NOL4L: variants seen among roughly 807,000 people sequenced by gnomAD.
The protein encoded by NOL4L is nucleolar protein 4-like.
Under a neutral mutation model 64.5 loss-of-function variants are expected in NOL4L, and 7 were observed. That is an observed-to-expected ratio of 0.11 (90% confidence interval 0.06 to 0.20). The LOEUF (loss-of-function observed/expected upper bound fraction) is 0.20, where lower values mean the gene tolerates loss of function less well. Among genes scored for constraint, NOL4L ranks in the 10% least tolerant of loss-of-function variants. The pLI is 1.00. For missense variants in NOL4L, 680 were observed against 967.1 expected, an observed-to-expected ratio of 0.70 and a Z score of 3.94; for synonymous variants, 413 against 401.0, an observed-to-expected ratio of 1.03 and a Z score of -0.36.
chr20:32,497,647 G>A (rs1454379042), intron 4 of NOL4L, among the ~76,000 whole-genome samples: 1 of 152,150 alleles, frequency 6.6e-6, no homozygotes, highest in East Asian at 1.9e-4. Flanking sequence ...AGGCTGTGGC[G>A]GTCACAAGGG....
At chr20:32,501,070 G>C (rs569095287) in intron 4 of NOL4L, among the ~76,000 whole-genome samples, 1 of 152,276 alleles carries the variant, frequency 6.6e-6, no homozygotes, top group Admixed American at 6.5e-5. Context: ...TCCTTCCCAA[G>C]TGCACAGTGT....
chr20:32,486,051 C>A (rs1459807586), intron 4 of NOL4L, among the ~76,000 whole-genome samples: 1 of 152,236 alleles, frequency 6.6e-6, no homozygotes, highest in Non-Finnish European at 1.5e-5. Flanking sequence ...AACAGCCCAG[C>A]CCTGCTCAAC....
At position 32,493,372 on chromosome 20, in the gene NOL4L, C is replaced by T. The variant is rs529066788; in HGVS notation, c.699+17975G>A. On this transcript the variant is annotated intron_variant, in intron 4 of 10. Coordinates refer to ENST00000621426, the MANE Select transcript of NOL4L (RefSeq NM_001256798.2). Reference sequence around the variant, plus strand: ...GATGATGGCCCAAGGCTCTGGGGCCCGGGATGCTGCATGGGGACCTTTCTG... The same window carrying T: ...GATGATGGCCCAAGGCTCTGGGGCCTGGGATGCTGCATGGGGACCTTTCTG... 2.9e-3 allele frequency among the ~76,000 whole-genome samples: 448 copies of T among 152,060 alleles called. 2 individuals carry two copies. Among genetic ancestry groups the T allele is most frequent in the Non-Finnish European group, 3.6e-3 (247 of 67,974 alleles).
Position 32,447,833 on chromosome 20 carries a change from A to G in NOL4L, c.1823-17T>C. ...CCGTGGGCCCTGTGGAGAGGGAAGT[A>G]GGGTGAGAAGGGAGCAGCCACCCTG... On this transcript the variant is annotated splice_polypyrimidine_tract_variant and intron_variant, in intron 10 of 10. Coordinates refer to ENST00000621426, the MANE Select transcript of NOL4L (RefSeq NM_001256798.2). 6.5e-7 allele frequency: 1 copy of G among 1,526,802 alleles called. No homozygotes were observed. Among genetic ancestry groups the G allele is most frequent in the East Asian group, 2.3e-5 (1 of 43,750 alleles). The allele number at this position is 1,526,802 out of a possible 1,614,324, so 94.6% of individuals were successfully genotyped here. A position where few individuals can be genotyped will look rare whatever the true frequency, so the allele number is the denominator to read the frequency against.
At chr20:32,489,809 CAAATAAAT>C (rs549441798) in intron 4 of NOL4L, among the ~76,000 whole-genome samples, 1,647 of 149,294 alleles carry the variant, frequency 0.011, 37 homozygotes, top group African/African-American at 0.039. Context: ...GACTCCCTCT[CAAATAAAT>C]AAATAAATAA....
intron 1 of NOL4L, among the ~76,000 whole-genome samples, chr20:32,560,613 C>G (rs1295538847): frequency 6.6e-6 from 1 of 152,226 alleles, no homozygotes; most frequent in East Asian, 1.9e-4. Flanking sequence ...CCCAACAACC[C>G]TATGAGGTAA....
At chr20:32,490,498 A>T (rs1044067827) in intron 4 of NOL4L, among the ~76,000 whole-genome samples, 1 of 152,132 alleles carries the variant, frequency 6.6e-6, no homozygotes, top group Non-Finnish European at 1.5e-5. Flanking sequence ...TGGATTCAAA[A>T]CACCTGACCT....
chr20:32,579,348 G>A (rs574658645), intron 1 of NOL4L, among the ~76,000 whole-genome samples: 9 of 152,286 alleles, frequency 5.9e-5, no homozygotes, highest in South Asian at 2.1e-4. Context: ...ACACATGCAC[G>A]CACATGCGTG....
intron 1 of NOL4L, among the ~76,000 whole-genome samples, chr20:32,541,166 T>C (rs751985462): frequency 6.6e-6 from 1 of 152,156 alleles, no homozygotes; most frequent in Non-Finnish European, 1.5e-5. Context: ...CCTGTTTATT[T>C]TCCCCAGGGC....
intron 3 of NOL4L, among the ~76,000 whole-genome samples, chr20:32,511,860 G>A (rs960975618): frequency 6.6e-6 from 1 of 152,058 alleles, no homozygotes; most frequent in African/African-American, 2.4e-5. Context: ...AAATAAATTA[G>A]CCAGACGTGG....
Position 32,577,971 on chromosome 20 carries a change from C to T in NOL4L, c.321+6599G>A, listed in dbSNP as rs180971473. Among the ~76,000 whole-genome samples the T allele has an allele frequency of 2.8e-3, 420 of 152,084 alleles. 4 individuals are homozygous for T. Among genetic ancestry groups the T allele is most frequent in the African/African-American group, 9.4e-3 (390 of 41,468 alleles). On this transcript the variant is annotated intron_variant, in intron 1 of 10. Coordinates refer to ENST00000621426, the MANE Select transcript of NOL4L (RefSeq NM_001256798.2). Reference sequence around the variant, plus strand: ...AGATTTGCTACATTTGGGGGCCCTACGTGCATGAAAGCATTAATTTCCACA... The same window carrying T: ...AGATTTGCTACATTTGGGGGCCCTATGTGCATGAAAGCATTAATTTCCACA...
At chr20:32,551,158 C>A (rs1389912756) in intron 1 of NOL4L, among the ~76,000 whole-genome samples, 1 of 151,852 alleles carries the variant, frequency 6.6e-6, no homozygotes, top group African/African-American at 2.4e-5. Flanking sequence ...GGTGGATCAC[C>A]TGCGGTCACG....
intron 5 of NOL4L, among the ~76,000 whole-genome samples, chr20:32,473,650 A>G (rs2015183729): frequency 6.6e-6 from 1 of 152,174 alleles, no homozygotes; most frequent in Non-Finnish European, 1.5e-5. Context: ...TGACCCAAAC[A>G]GCAAGGCTCC....
At chr20:32,483,736 G>A (rs1313311411) in intron 4 of NOL4L, among the ~76,000 whole-genome samples, 2 of 132,942 alleles carry the variant, frequency 1.5e-5, no homozygotes, top group Non-Finnish European at 3.3e-5. Flanking sequence ...CGGAGGGGCG[G>A]GTGAGAGGGA....
At chr20:32,517,930 C>T (rs1416816628) in intron 3 of NOL4L, among the ~76,000 whole-genome samples, 1 of 152,230 alleles carries the variant, frequency 6.6e-6, no homozygotes, top group Non-Finnish European at 1.5e-5. Flanking sequence ...TATGATTTCA[C>T]CTCAACACCT....
intron 1 of NOL4L, among the ~76,000 whole-genome samples, chr20:32,529,432 T>C (rs1280706937): frequency 6.6e-6 from 1 of 152,212 alleles, no homozygotes; most frequent in African/African-American, 2.4e-5. Flanking sequence ...GTACAGTGGC[T>C]GGTGGATGGC....
chr20:32,545,822 T>C (rs1288762821), intron 1 of NOL4L, among the ~76,000 whole-genome samples: 2 of 152,210 alleles, frequency 1.3e-5, no homozygotes, highest in Non-Finnish European at 2.9e-5. Context: ...CTCAGTTCCA[T>C]TGTCTGTAAG....
rs1422601776 is a variant in NOL4L, at chr20:32,464,875, C to G, written c.842-8480G>C. The G allele has an allele frequency of 2.4e-6, 1 of 424,364 alleles. No individual in the cohort carries two copies. The highest frequency in any genetic ancestry group is 4.3e-6 in the Non-Finnish European group (1 of 231,920). The allele number at this position is 424,364 out of a possible 1,614,324, so 26.3% of individuals were successfully genotyped here. On this transcript the variant is annotated intron_variant, in intron 5 of 10. Transcript: ENST00000621426. The surrounding 1 kb of genome is among the most constrained non-coding windows in gnomAD (Gnocchi z 5.6). The stretch of plus-strand genomic sequence containing the variant: ...CCGTGTTATCAGAGCTGAGATATTT[C>G]ACCTTCTTCTTTCCTACGGAGCCGC...
intron 4 of NOL4L, among the ~76,000 whole-genome samples, chr20:32,475,776 GC>G (rs1195716795): frequency 6.6e-6 from 1 of 152,154 alleles, no homozygotes; most frequent in Non-Finnish European, 1.5e-5. Flanking sequence ...CCCCTCCGGG[GC>G]CCCCCTCACA....
Sources: allele counts gnomAD v4.1 joint callset (sites outside exome capture counted in the v4.1 genomes callset), GRCh38; gene constraint gnomAD v4.1.1; non-coding constraint Gnocchi (gnomAD v3.1); transcripts MANE v1.5; gene names NCBI Gene and HGNC (gene_info 2026-07-23, HGNC 2026-07-21).